GLG1: variants seen among roughly 807,000 people sequenced by gnomAD.
GLG1 encodes golgi glycoprotein 1, also known as Golgi apparatus protein 1.
A neutral mutation model predicts 160.5 loss-of-function variants in GLG1; 38 were observed. The ratio of observed to expected loss-of-function variants is 0.24; its 90% CI spans 0.18 to 0.31. The LOEUF (loss-of-function observed/expected upper bound fraction) is 0.31. GLG1 is among the 10% of genes least tolerant of loss of function. The probability of loss-of-function intolerance (pLI) is 1.00; values close to 1 mark genes in which losing one functional copy is unlikely to be tolerated. For synonymous variants in GLG1, 644 were observed against 543.4 expected (o/e 1.19, Z -2.57); for missense variants, 1,373 against 1,505.2 (o/e 0.91, Z 1.45).
At chr16:74,496,413 G>C (rs760589745) in intron 5 of GLG1, 28 bp downstream of exon 5, 30 of 1,460,854 alleles carry the variant, frequency 2.1e-5, no homozygotes, top group Admixed American at 2.0e-4. Flanking sequence ...ATAAAAGGAA[G>C]AAAAGAACAG....
At chr16:74,578,496 C>T (rs1385883824) in intron 1 of GLG1, among the ~76,000 whole-genome samples, 1 of 152,134 alleles carries the variant, frequency 6.6e-6, no homozygotes, top group Admixed American at 6.6e-5. Context: ...AAGAGAACAG[C>T]TTACACATTC....
At position 74,450,862 on chromosome 16, in the gene GLG1, A is replaced by G. The variant is rs1026002558; in HGVS notation, c.*2305T>C. The G allele has an allele frequency of 3.9e-5, 6 of 151,932 alleles. No individual in the cohort carries two copies. Among genetic ancestry groups the G allele is most frequent in the Admixed American group, 2.0e-4 (3 of 15,258 alleles). 9.4% of individuals were successfully genotyped at this position (151,932 alleles called of 1,614,324 possible). A position where few individuals can be genotyped will look rare whatever the true frequency, so the allele number is the denominator to read the frequency against. ...TACTCTGTCTCAAAAAAAAAAAAAAAGACAGATGTTTCAAGAACCAAATTC... is the reference window on the plus strand; with the variant it reads ...TACTCTGTCTCAAAAAAAAAAAAAAGGACAGATGTTTCAAGAACCAAATTC... On this transcript the variant is annotated 3_prime_UTR_variant, in exon 26 of 26. Coordinates refer to ENST00000422840, the MANE Select transcript of GLG1 (RefSeq NM_001145667.2).
At chr16:74,578,714 G>A (rs563485211) in intron 1 of GLG1, among the ~76,000 whole-genome samples, 2 of 152,290 alleles carry the variant, frequency 1.3e-5, no homozygotes, top group South Asian at 4.1e-4. Context: ...AGTATGTTCT[G>A]AAGGCTGAAT....
intron 4 of GLG1, among the ~76,000 whole-genome samples, chr16:74,502,383 T>C (rs2016436875): frequency 6.6e-6 from 1 of 152,194 alleles, no homozygotes; most frequent in South Asian, 2.1e-4. Flanking sequence ...AGGTAGTTAT[T>C]TTCTTTCCTG....
At chr16:74,563,154 T>A (rs1456755065) in intron 1 of GLG1, 1 of 152,032 alleles carries the variant, frequency 6.6e-6, no homozygotes, top group African/African-American at 2.4e-5. Context: ...AGAAAAGGGG[T>A]CTTATGGTGC....
intron 1 of GLG1, among the ~76,000 whole-genome samples, chr16:74,539,399 C>T (rs1401402220): frequency 6.6e-6 from 1 of 151,932 alleles, no homozygotes; most frequent in African/African-American, 2.4e-5. Context: ...CTTAAAAGGT[C>T]TCACATAAAT....
At chr16:74,527,728 C>CGTT (rs1476832310) in intron 2 of GLG1, among the ~76,000 whole-genome samples, 1 of 151,806 alleles carries the variant, frequency 6.6e-6, no homozygotes, top group Non-Finnish European at 1.5e-5. Flanking sequence ...TCTGATAACA[C>CGTT]CTATTTTATT....
chr16:74,598,012 G>A (rs1027252558), intron 1 of GLG1, among the ~76,000 whole-genome samples: 7 of 152,010 alleles, frequency 4.6e-5, no homozygotes, highest in African/African-American at 1.7e-4. Context: ...GCAAGACTCT[G>A]TCTCGAAAAC....
At position 74,515,082 on chromosome 16, in the gene GLG1, A is replaced by T. The variant is rs564752980; in HGVS notation, c.472-6157T>A. ...ACATAATGGTAAAGGGATCAATTCA[A>T]CAAGAAGAGCTAACTATCCTAAATA... On this transcript the variant is annotated intron_variant, in intron 2 of 25. Transcript: ENST00000422840. 2.0e-5 allele frequency among the ~76,000 whole-genome samples: 3 copies of T among 152,338 alleles called. No individual in the cohort carries two copies. The South Asian group carries it at 6.2e-4, about 32-fold the overall frequency.
chr16:74,565,798 T>C (rs1359090736), intron 1 of GLG1, among the ~76,000 whole-genome samples: 1 of 152,218 alleles, frequency 6.6e-6, no homozygotes, highest in Non-Finnish European at 1.5e-5. Context: ...TTAACACACC[T>C]TATTGGTTCT....
chr16:74,529,332 G>A (rs1273765075), intron 2 of GLG1, among the ~76,000 whole-genome samples: 3 of 151,670 alleles, frequency 2.0e-5, no homozygotes. Context: ...CTTAATTTCT[G>A]AAATTACATT....
chr16:74,606,349 A>G (rs1446767256), intron 1 of GLG1, among the ~76,000 whole-genome samples: 1 of 152,210 alleles, frequency 6.6e-6, no homozygotes, highest in Non-Finnish European at 1.5e-5. Flanking sequence ...GACACTCTGC[A>G]TAGAGCATCA....
intron 1 of GLG1, among the ~76,000 whole-genome samples, chr16:74,567,703 G>A (rs560983552): frequency 0.012 from 1,856 of 151,074 alleles, 14 homozygotes; most frequent in Non-Finnish European, 0.019. Flanking sequence ...CGAGTAGCTG[G>A]GACTACAGGC....
chr16:74,576,265 A>T (rs1321562788), intron 1 of GLG1, among the ~76,000 whole-genome samples: 5 of 152,206 alleles, frequency 3.3e-5, no homozygotes, highest in Admixed American at 6.5e-5. Flanking sequence ...CCTGGTTAAT[A>T]AAACTCCACA....
At position 74,472,703 on chromosome 16, in the gene GLG1, T is replaced by A. The variant is rs559147510; in HGVS notation, c.2053-292A>T. 1.7e-5 allele frequency: 9 copies of A among 544,318 alleles called. No individual in the cohort carries two copies. In the African/African-American group the frequency reaches 1.7e-4, roughly 11 times the overall value. The allele number at this position is 544,318 out of a possible 1,614,324, so 33.7% of individuals were successfully genotyped here. ...CACATGTAGCAATAACATTAGAGTA[T>A]GCAAAGCCTTTGCAGATTTTCCCAA... is the stretch of plus-strand genomic sequence containing the variant. On this transcript the variant is annotated intron_variant, in intron 13 of 25. Transcript: ENST00000422840.
At chr16:74,506,879 A>T (rs1028253661) in intron 3 of GLG1, among the ~76,000 whole-genome samples, 1 of 152,206 alleles carries the variant, frequency 6.6e-6, no homozygotes, top group Non-Finnish European at 1.5e-5. Flanking sequence ...ATTTAAGAAT[A>T]GGAGTAAACT....
chr16:74,578,082 A>G (rs1957855357), intron 1 of GLG1, among the ~76,000 whole-genome samples: 1 of 152,180 alleles, frequency 6.6e-6, no homozygotes, highest in Non-Finnish European at 1.5e-5. Context: ...AAGAATGAGT[A>G]AGACACAATT....
intron 12 of GLG1, among the ~76,000 whole-genome samples, chr16:74,476,595 T>C (rs1348973537): frequency 6.6e-6 from 1 of 152,224 alleles, no homozygotes; most frequent in Non-Finnish European, 1.5e-5. Context: ...GCAGTATTCC[T>C]ACTGCTGAGT....
Position 74,483,064 on chromosome 16 carries a change from G to A in GLG1, c.1632C>T (p.His544=). Residue 544 remains histidine (H), a synonymous_variant, in exon 10 of 26, where the codon CAC becomes CAT. Coordinates refer to ENST00000422840, the MANE Select transcript of GLG1 (RefSeq NM_001145667.2). The part of the protein sequence containing the change: ...YTEKMVEDCE[H]RLLELQYFIS... ...TGAAATACTGCAGCTCTAAGAGACG[G>A]TGTTCACAGTCTTCTACCATCTTCT... is the stretch of plus-strand genomic sequence containing the variant. 1 of 1,610,346 alleles carries A rather than the reference G, an allele frequency of 6.2e-7. No homozygotes were observed. Among genetic ancestry groups the A allele is most frequent in the South Asian group, 1.1e-5 (1 of 90,994 alleles).
Sources: allele counts gnomAD v4.1 joint callset (sites outside exome capture counted in the v4.1 genomes callset), GRCh38; gene constraint gnomAD v4.1.1; transcripts MANE v1.5; gene names NCBI Gene and HGNC (gene_info 2026-07-23, HGNC 2026-07-21).